The following SLC8A1 variants were observed in gnomAD, a reference collection of about 807,000 sequenced individuals.
SLC8A1 encodes the protein solute carrier family 8 member A1.
Under a neutral mutation model 68.3 loss-of-function variants are expected in SLC8A1, and 18 were observed. The observed-to-expected ratio is 0.26, with a 90% CI of 0.18 to 0.39. SLC8A1 has a LOEUF of 0.39. Ranked by LOEUF, SLC8A1 falls within the 10% of genes least tolerant of loss-of-function variation. The pLI, the probability that SLC8A1 is intolerant of heterozygous loss-of-function variation, is 1.00. For synonymous variants in SLC8A1, 475 were observed against 415.5 expected, an observed-to-expected ratio of 1.14 and a Z score of -1.74; for missense variants, 985 against 1,156.7, an observed-to-expected ratio of 0.85 and a Z score of 2.15.
In SLC8A1 at chr2:40,400,100, G is replaced by A. The variant is rs569160250; in HGVS notation, c.1808+28373C>T. 4.6e-5 allele frequency among the ~76,000 whole-genome samples: 7 copies of A among 152,222 alleles called. No individual in the cohort carries two copies. The South Asian group carries it at 6.2e-4, about 14-fold the overall frequency. On this transcript the variant is annotated intron_variant, in intron 2 of 7. Coordinates refer to ENST00000406785, the Ensembl canonical transcript of SLC8A1. ...TTGCTCAATCGATCACGACCCTCTC[G>A]CGTGCACCCCCTTAGAGTTGTGAGC... is the stretch of plus-strand genomic sequence containing the variant.
chr2:40,197,548 T>A (rs945601055), intron 2 of SLC8A1, among the ~76,000 whole-genome samples: 1 of 152,000 alleles, frequency 6.6e-6, no homozygotes, highest in Non-Finnish European at 1.5e-5. Flanking sequence ...AATTAGGTGC[T>A]TTCCCCCTTT....
chr2:40,506,401 G>A (rs1263687028), intron 1 of SLC8A1, among the ~76,000 whole-genome samples: 1 of 151,938 alleles, frequency 6.6e-6, no homozygotes, highest in African/African-American at 2.4e-5. Context: ...TTCCCCAAAA[G>A]AGCATGGACT....
In SLC8A1 at chr2:40,103,449, A is replaced by G. The variant is rs192775261; in HGVS notation, c.*11804T>C. The G allele has an allele frequency of 1.8e-4, 27 of 152,310 alleles. No individual in the cohort carries two copies. The East Asian group carries it at 4.1e-3, about 23-fold the overall frequency. 9.4% of individuals were successfully genotyped at this position (152,310 alleles called of 1,614,324 possible). Reference sequence around the variant, plus strand: ...TTTAAAAGACAGTTGAATCTGTAGCAGATGAATTTTTTCTCATCTTCCTTT... The same window carrying G: ...TTTAAAAGACAGTTGAATCTGTAGCGGATGAATTTTTTCTCATCTTCCTTT... On this transcript the variant is annotated 3_prime_UTR_variant, in exon 8 of 8. Coordinates refer to ENST00000406785, the Ensembl canonical transcript of SLC8A1.
intron 2 of SLC8A1, among the ~76,000 whole-genome samples, chr2:40,349,243 T>C (rs1670310800): frequency 6.6e-6 from 1 of 152,170 alleles, no homozygotes; most frequent in African/African-American, 2.4e-5. Context: ...ACCGAAGACA[T>C]GTCTTAATCA....
rs533616444 is a variant in SLC8A1, at chr2:40,163,384, G to A, written c.2061+1470C>T. On this transcript the variant is annotated intron_variant, in intron 5 of 7. Transcript: ENST00000406785. ...CCCAGGAGAACCCAGGCAAAGGGCA[G>A]GGGCAAGCTTGCTTCAGGAATACCA... 6.6e-5 allele frequency among the ~76,000 whole-genome samples: 10 copies of A among 152,316 alleles called. No individual in the cohort carries two copies. In the East Asian group the frequency reaches 7.7e-4, roughly 12 times the overall value.
At chr2:40,251,890 G>GTATT (rs1476343507) in intron 2 of SLC8A1, 1 of 152,014 alleles carries the variant, frequency 6.6e-6, no homozygotes, top group Non-Finnish European at 1.5e-5. Context: ...TATACATCGG[G>GTATT]TATTATGAAT....
exon 8 of SLC8A1, chr2:40,115,363 C>A: frequency 6.2e-7 from 1 of 1,614,126 alleles, no homozygotes; most frequent in Non-Finnish European, 8.5e-7. Context: ...CGGGGCCCAC[C>A]CAGCTCACCT....
At chr2:40,419,706 ATTTTTC>A (rs1228835959) in intron 2 of SLC8A1, among the ~76,000 whole-genome samples, 1 of 152,030 alleles carries the variant, frequency 6.6e-6, no homozygotes, top group African/African-American at 2.4e-5. Context: ...TAACATTAGG[ATTTTTC>A]TTTTTCTTTA....
intron 2 of SLC8A1, among the ~76,000 whole-genome samples, chr2:40,265,179 G>A (rs115310586): frequency 0.011 from 1,696 of 152,282 alleles, 39 homozygotes; most frequent in African/African-American, 0.039. Context: ...AGTAGACGAT[G>A]GGCATGCAGC....
intron 2 of SLC8A1, among the ~76,000 whole-genome samples, chr2:40,404,321 C>G (rs1689669400): frequency 6.6e-6 from 1 of 152,170 alleles, no homozygotes; most frequent in Non-Finnish European, 1.5e-5. Flanking sequence ...AAACTTTGGA[C>G]TATTAACATT....
exon 8 of SLC8A1, chr2:40,097,273 C>T (rs2125013471): frequency 6.6e-6 from 1 of 151,956 alleles, no homozygotes; most frequent in East Asian, 1.9e-4. Context: ...ATATGAATGG[C>T]TAATTGACAA....
chr2:40,121,842 C>G lies in SLC8A1; in HGVS notation c.2438-6213G>C, dbSNP rs774325332. Among the ~76,000 whole-genome samples the G allele has an allele frequency of 4.9e-4, 75 of 152,038 alleles. 1 individual carries two copies. Among genetic ancestry groups the G allele is most frequent in the Non-Finnish European group, 1.8e-4 (12 of 68,018 alleles). ...TTTAAAAATTATTAATTTGACAATC[C>G]TTTGCATTTAAAAGTGTGATAGAGC... On this transcript the variant is annotated intron_variant, in intron 7 of 7. Transcript: ENST00000406785.
intron 4 of SLC8A1, 44 bp downstream of exon 7, chr2:40,170,237 C>G (rs774730199): frequency 1.3e-6 from 2 of 1,553,872 alleles, no homozygotes; most frequent in Admixed American, 1.7e-5. Flanking sequence ...CATTAAAGAA[C>G]TCTGGGAGGC....
chr2:40,418,268 T>TATTAC (rs1047388826), intron 2 of SLC8A1, among the ~76,000 whole-genome samples: 37 of 152,348 alleles, frequency 2.4e-4, no homozygotes, highest in Middle Eastern at 3.4e-3. Context: ...ATTTACTGTT[T>TATTAC]ATTACATTAC....
intron 2 of SLC8A1, among the ~76,000 whole-genome samples, chr2:40,373,736 T>C (rs1678904275): frequency 6.6e-6 from 1 of 151,972 alleles, no homozygotes; most frequent in Non-Finnish European, 1.5e-5. Context: ...AAACAAACAG[T>C]AGATAAACAA....
upstream of SLC8A1, among the ~76,000 whole-genome samples, chr2:40,456,933 A>C (rs1703057168): frequency 6.6e-6 from 1 of 152,320 alleles, no homozygotes; most frequent in South Asian, 2.1e-4. Flanking sequence ...TAATGAAAAA[A>C]GCTGCTTGTG....
At chr2:40,439,917 C>G (rs1212616945) in intron 1 of SLC8A1, among the ~76,000 whole-genome samples, 2 of 152,130 alleles carry the variant, frequency 1.3e-5, no homozygotes, top group Admixed American at 1.3e-4. Context: ...TGACAATATA[C>G]TCAGTGACAA....
intron 2 of SLC8A1, among the ~76,000 whole-genome samples, chr2:40,427,390 ATATT>A (rs1697153301): frequency 6.6e-6 from 1 of 152,062 alleles, no homozygotes; most frequent in Non-Finnish European, 1.5e-5. Flanking sequence ...CTGTATTTAT[ATATT>A]TATTTTTCTT....
chr2:40,134,775 C>A (rs2148241469), intron 7 of SLC8A1, among the ~76,000 whole-genome samples: 1 of 152,224 alleles, frequency 6.6e-6, no homozygotes, highest in South Asian at 2.1e-4. Context: ...AACCCAAAGA[C>A]AAACACACAG....
Sources: gnomAD v4.1 joint callset for allele counts (sites outside exome capture counted in the v4.1 genomes callset) on GRCh38, gnomAD v4.1.1 for gene constraint, MANE v1.5 for transcripts, NCBI Gene and HGNC (gene_info 2026-07-23, HGNC 2026-07-21) for gene names.